SYT9: variants seen among roughly 807,000 people sequenced by gnomAD.
SYT9 encodes synaptotagmin-9.
SYT9 carries 22 observed loss-of-function variants against 48.4 expected under a neutral mutation model. The ratio of observed to expected loss-of-function variants is 0.45; its 90% CI spans 0.32 to 0.65. The LOEUF (loss-of-function observed/expected upper bound fraction) is 0.65, where lower values mean the gene tolerates loss of function less well. Ranked by LOEUF, SYT9 falls within the 30% of genes least tolerant of loss-of-function variation. The pLI is 0.03. For synonymous variants in SYT9, 265 were observed against 245.0 expected (o/e 1.08, Z -0.76); for missense variants, 577 against 622.0 (o/e 0.93, Z 0.77).
chr11:7,387,158 TG>T lies in SYT9; in HGVS notation c.1045-28878del, dbSNP rs994809431. ...CACCAGGGCCTGTTGTGGGGTGTGG[TG>T]GGGGGATAGAAGCGGGGAGGGATAG... is the stretch of plus-strand genomic sequence containing the variant. On this transcript the variant is annotated intron_variant, in intron 3 of 6. Coordinates refer to ENST00000318881, the MANE Select transcript of SYT9 (RefSeq NM_175733.4). 4.6e-5 allele frequency among the ~76,000 whole-genome samples: 7 copies of T among 151,578 alleles called. No individual in the cohort carries two copies. The South Asian group carries it at 1.0e-3, about 23-fold the overall frequency.
rs71056800 is a variant in SYT9, at chr11:7,367,098, T to TTTTTTC, written c.1045-48944_1045-48943insTTTTTC. 1.2e-4 allele frequency among the ~76,000 whole-genome samples: 14 copies of TTTTTTC among 112,988 alleles called. 1 individual carries two copies. The highest frequency in any genetic ancestry group is 2.1e-4 in the Admixed American group (2 of 9,364). 74.1% of individuals were successfully genotyped at this position (112,988 alleles called of 152,430 possible). A position where few individuals can be genotyped will look rare whatever the true frequency, so the allele number is the denominator to read the frequency against. ...TTTTTTTTTTTTTTTTTTTTTTTTT[T>TTTTTTC]CGAGACGGAGCCTCGCTCTGTCACC... On this transcript the variant is annotated intron_variant, in intron 3 of 6. Coordinates refer to ENST00000318881, the MANE Select transcript of SYT9 (RefSeq NM_175733.4).
chr11:7,379,241 A>C (rs894231243), intron 3 of SYT9, among the ~76,000 whole-genome samples: 2 of 152,192 alleles, frequency 1.3e-5, no homozygotes, highest in African/African-American at 4.8e-5. Context: ...AGTTTTAAAA[A>C]TCATGTTTGA....
At chr11:7,428,240 C>T (rs947201752) in intron 6 of SYT9, among the ~76,000 whole-genome samples, 8 of 152,186 alleles carry the variant, frequency 5.3e-5, no homozygotes, top group African/African-American at 1.9e-4. Flanking sequence ...AGAAAGTCAA[C>T]TGCATCTTGA....
intron 6 of SYT9, among the ~76,000 whole-genome samples, chr11:7,446,936 T>G (rs1016105082): frequency 6.6e-6 from 1 of 152,170 alleles, no homozygotes; most frequent in Non-Finnish European, 1.5e-5. Flanking sequence ...GAGAGAAGCA[T>G]GGGACACATC....
chr11:7,269,053 A>G (rs1156649973), intron 1 of SYT9, among the ~76,000 whole-genome samples: 1 of 152,128 alleles, frequency 6.6e-6, no homozygotes, highest in Middle Eastern at 3.2e-3. Context: ...AGCACGTGTC[A>G]TTAGTTCTTT....
At chr11:7,304,639 C>A (rs1342054876) in intron 2 of SYT9, among the ~76,000 whole-genome samples, 1 of 152,180 alleles carries the variant, frequency 6.6e-6, no homozygotes, top group Non-Finnish European at 1.5e-5. Context: ...ATTTTAGCAT[C>A]ATTTTCAATT....
chr11:7,460,380 A>G (rs1055664806), intron 6 of SYT9, among the ~76,000 whole-genome samples: 3 of 152,178 alleles, frequency 2.0e-5, no homozygotes, highest in Non-Finnish European at 4.4e-5. Flanking sequence ...AAATTCTCCT[A>G]AATTTTTAAG....
chr11:7,427,864 T>G (rs1847494388), intron 6 of SYT9: 1 of 152,220 alleles, frequency 6.6e-6, no homozygotes, highest in African/African-American at 2.4e-5. Flanking sequence ...CTGAAAAACA[T>G]TAACAGACCT....
At chr11:7,255,046 T>G (rs1455134232) in intron 1 of SYT9, among the ~76,000 whole-genome samples, 1 of 152,172 alleles carries the variant, frequency 6.6e-6, no homozygotes, top group African/African-American at 2.4e-5. Flanking sequence ...GGAACTGAAG[T>G]GCCTCACCCA....
At chr11:7,420,738 T>C (rs1434516240) in intron 6 of SYT9, 103 bp downstream of exon 6, 2 of 1,438,634 alleles carry the variant, frequency 1.4e-6, no homozygotes, top group Non-Finnish European at 1.9e-6. Flanking sequence ...TCTATGGTCA[T>C]AGACGGGTTT....
chr11:7,252,557 C>G lies in SYT9; in HGVS notation c.145+226C>G, dbSNP rs1192271334. 6.6e-6 allele frequency among the ~76,000 whole-genome samples: 1 copy of G among 152,130 alleles called. No homozygotes were observed. The highest frequency in any genetic ancestry group is 1.5e-5 in the Non-Finnish European group (1 of 68,014). On this transcript the variant is annotated intron_variant, in intron 1 of 6. Transcript: ENST00000318881. This position sits in a 1 kb window ranked among gnomAD's most constrained non-coding sequence, Gnocchi z 6.3. ...GAGGCCGACTCCGGGTCGGCTAGGG[C>G]AGGGTTGGAGGGACCACGCCCGCCA...
chr11:7,283,988 T>G (rs998288792), intron 1 of SYT9, among the ~76,000 whole-genome samples: 1 of 152,184 alleles, frequency 6.6e-6, no homozygotes, highest in African/African-American at 2.4e-5. Flanking sequence ...GCATCTAAAG[T>G]CTTCACTTAT....
chr11:7,255,006 G>A (rs556389397), intron 1 of SYT9, among the ~76,000 whole-genome samples: 1 of 152,150 alleles, frequency 6.6e-6, no homozygotes, highest in Non-Finnish European at 1.5e-5. Context: ...ATGCAATTGT[G>A]GTTTAAAAAA....
intron 2 of SYT9, among the ~76,000 whole-genome samples, chr11:7,303,922 T>C (rs1160453169): frequency 6.6e-6 from 1 of 152,196 alleles, no homozygotes; most frequent in Non-Finnish European, 1.5e-5. Context: ...GAGGTCTTTG[T>C]CCGTCTCCAG....
chr11:7,402,672 A>T (rs1284140911), intron 3 of SYT9, among the ~76,000 whole-genome samples: 1 of 152,144 alleles, frequency 6.6e-6, no homozygotes, highest in Non-Finnish European at 1.5e-5. Context: ...TAGTATTTAC[A>T]TGGCCTAATT....
intron 1 of SYT9, among the ~76,000 whole-genome samples, chr11:7,243,940 A>G (rs1343878521): frequency 7.3e-6 from 1 of 137,186 alleles, no homozygotes; most frequent in Non-Finnish European, 1.6e-5. Flanking sequence ...GGATGCAGAA[A>G]GCATTTTTTT....
chr11:7,356,857 G>A (rs778480871), intron 3 of SYT9, among the ~76,000 whole-genome samples: 3 of 152,148 alleles, frequency 2.0e-5, no homozygotes, highest in Non-Finnish European at 4.4e-5. Flanking sequence ...CTGTGTGCCA[G>A]GCACTGCACT....
rs1187620958 is a variant in SYT9, at chr11:7,448,861, A to G, written c.1468-17931A>G. ...GGTGGATGGGTCATCACTAAGGATG[A>G]GAAGGCTGCCAGGCCCAGTTGACTG... On this transcript the variant is annotated intron_variant, in intron 6 of 6. Transcript: ENST00000318881. Among the ~76,000 whole-genome samples the G allele has an allele frequency of 3.3e-5, 5 of 152,104 alleles. No individual in the cohort carries two copies. The East Asian group carries it at 9.7e-4, about 29-fold the overall frequency.
At chr11:7,376,561 G>C (rs1333839892) in intron 3 of SYT9, among the ~76,000 whole-genome samples, 1 of 152,018 alleles carries the variant, frequency 6.6e-6, no homozygotes, top group African/African-American at 2.4e-5. Context: ...CTACTCTGGT[G>C]CCCTAGTTTG....
Sources: allele counts gnomAD v4.1 joint callset (sites outside exome capture counted in the v4.1 genomes callset), GRCh38; gene constraint gnomAD v4.1.1; non-coding constraint Gnocchi (gnomAD v3.1); transcripts MANE v1.5; gene names NCBI Gene and HGNC (gene_info 2026-07-23, HGNC 2026-07-21).